Variants in VASN observed in about 807,000 individuals in gnomAD.
The protein encoded by VASN is vasorin, also known as protein slit-like 2.
A neutral mutation model predicts 4.8 loss-of-function variants in VASN; 5 were observed. The ratio of observed to expected loss-of-function variants is 1.03; its 90% CI spans 0.54 to 2.17. The LOEUF is 2.17. VASN is among the 30% of genes most tolerant of loss of function. VASN has a pLI of 0.01. For missense variants in VASN, 927 were observed against 948.8 expected, an observed-to-expected ratio of 0.98 and a Z score of 0.30; for synonymous variants, 499 against 460.8, an observed-to-expected ratio of 1.08 and a Z score of -1.06.
rs144404600 is a variant in VASN, at chr16:4,381,108, C to A, written c.231C>A (p.Gly77=). 3.1e-5 allele frequency: 50 copies of A among 1,608,834 alleles called. 2 individuals are homozygous for A. The Middle Eastern group carries it at 5.6e-3, about 180-fold the overall frequency. The change falls in exon 2 of 2, where the codon GGC becomes GGA. Residue 77 remains glycine (G), a synonymous_variant. Transcript: ENST00000304735. ...LDAGSFAGLP[G]LQLLDLSQNQ... ...CAGGCAGCTTTGCCGGCCTGCCGGG[C>A]CTGCAGCTCCTGGACCTGTCACAGA...
chr16:4,372,196 C>G (rs1277595995), intron 1 of VASN, among the ~76,000 whole-genome samples: 1 of 152,094 alleles, frequency 6.6e-6, no homozygotes, highest in South Asian at 2.1e-4. Flanking sequence ...CCGACAGCCC[C>G]GCGGCCGGCC....
In VASN at chr16:4,374,960, A is replaced by G. The variant is rs574339755; in HGVS notation, c.-10+2967A>G. Among the ~76,000 whole-genome samples the G allele has an allele frequency of 4.0e-5, 6 of 151,554 alleles. No individual in the cohort carries two copies. The East Asian group carries it at 1.2e-3, about 29-fold the overall frequency. On this transcript the variant is annotated intron_variant, in intron 1 of 1. Coordinates refer to ENST00000304735, the MANE Select transcript of VASN (RefSeq NM_138440.3). ...CCTGGGTGGGGACAGGGCAGTGAGGAGGCCCCGTGTGAGGGCCCAGCCCTG... is the reference window on the plus strand; with the variant it reads ...CCTGGGTGGGGACAGGGCAGTGAGGGGGCCCCGTGTGAGGGCCCAGCCCTG...
chr16:4,381,138 G>C lies in VASN; in HGVS notation c.261G>C (p.Gln87His), dbSNP rs776162237. ...GLQLLDLSQN[Q>H]IASLPSGVFQ... The stretch of plus-strand genomic sequence containing the variant: ...AGCTCCTGGACCTGTCACAGAACCA[G>C]ATCGCCAGCCTGCCCAGCGGGGTCT... Residue 87 changes from glutamine (Q) to histidine (H), a missense_variant, in exon 2 of 2, where the codon CAG becomes CAC. Coordinates refer to ENST00000304735, the MANE Select transcript of VASN (RefSeq NM_138440.3). The C allele has an allele frequency of 1.2e-6, 2 of 1,610,488 alleles. No individual in the cohort carries two copies. The highest frequency in any genetic ancestry group is 1.7e-6 in the Non-Finnish European group (2 of 1,179,034).
chr16:4,380,249 C>A (rs1400774154), intron 1 of VASN, among the ~76,000 whole-genome samples: 1 of 152,206 alleles, frequency 6.6e-6, no homozygotes, highest in African/African-American at 2.4e-5. Context: ...TGGCCTCTGC[C>A]CCTCCTCCAG....
Position 4,381,465 on chromosome 16 carries a change from G to C in VASN, c.588G>C (p.Ala196=), listed in dbSNP as rs565386785. 1 of 1,579,158 alleles carries C rather than the reference G, an allele frequency of 6.3e-7. No homozygotes were observed. Among genetic ancestry groups the C allele is most frequent in the Non-Finnish European group, 8.6e-7 (1 of 1,164,372 alleles). The change falls in exon 2 of 2, where the codon GCG becomes GCC. Residue 196 remains alanine, a synonymous_variant. Transcript: ENST00000304735. ...PGILDTANVE[A]LRLAGLGLQQ... ...TCCTGGACACTGCCAACGTGGAGGCGCTGCGGCTGGCTGGTCTGGGGCTGC... is the reference window on the plus strand; with the variant it reads ...TCCTGGACACTGCCAACGTGGAGGCCCTGCGGCTGGCTGGTCTGGGGCTGC...
chr16:4,382,689 C>G lies in VASN; in HGVS notation c.1812C>G (p.Ala604=), dbSNP rs748491344. 3.7e-5 allele frequency: 58 copies of G among 1,546,918 alleles called. 1 individual carries two copies. In the South Asian group the frequency reaches 6.2e-4, roughly 16 times the overall value. The part of the protein sequence containing the change: ...GAAYCVRRGR[A]MAAAAQDKGQ... ...CCTACTGTGTGCGGCGGGGGCGGGC[C>G]ATGGCAGCAGCGGCTCAGGACAAAG... The change falls in exon 2 of 2, where the codon GCC becomes GCG. Residue 604 remains alanine, a synonymous_variant. Transcript: ENST00000304735.
At position 4,383,322 on chromosome 16, in the gene VASN, G is replaced by C. The variant is rs1165413837; in HGVS notation, c.*423G>C. 5.0e-6 allele frequency: 1 copy of C among 201,146 alleles called. No individual in the cohort carries two copies. Among genetic ancestry groups the C allele is most frequent in the African/African-American group, 2.3e-5 (1 of 42,814 alleles). The allele number at this position is 201,146 out of a possible 1,614,324, so 12.5% of individuals were successfully genotyped here. A position where few individuals can be genotyped will look rare whatever the true frequency, so the allele number is the denominator to read the frequency against. On this transcript the variant is annotated 3_prime_UTR_variant, in exon 2 of 2. Coordinates refer to ENST00000304735, the MANE Select transcript of VASN (RefSeq NM_138440.3). ...TGTGTGACTCTAGTCTTGGCCCCAG[G>C]AAGCGAAGGAACAAAAGAAACTGGA...
chr16:4,374,656 C>T (rs1221596285), intron 1 of VASN, among the ~76,000 whole-genome samples: 1 of 152,140 alleles, frequency 6.6e-6, no homozygotes, highest in Non-Finnish European at 1.5e-5. Flanking sequence ...GTGGCCAGGT[C>T]CTGTTCTGCC....
chr16:4,382,875 C>A lies in VASN; in HGVS notation c.1998C>A (p.Pro666=). 6.4e-7 allele frequency: 1 copy of A among 1,552,728 alleles called. No homozygotes were observed. The highest frequency in any genetic ancestry group is 8.7e-7 in the Non-Finnish European group (1 of 1,150,698). ...MGFPGPGLQS[P]LHAKPYI ...TCCCAGGGCCTGGCCTCCAGTCACCCCTCCACGCAAAGCCCTACATCTAAG... is the reference window on the plus strand; with the variant it reads ...TCCCAGGGCCTGGCCTCCAGTCACCACTCCACGCAAAGCCCTACATCTAAG... Residue 666 remains proline (P), a synonymous_variant, in exon 2 of 2, where the codon CCC becomes CCA. Transcript: ENST00000304735.
chr16:4,378,652 G>A (rs149329796), intron 1 of VASN, among the ~76,000 whole-genome samples: 1,556 of 152,214 alleles, frequency 0.01, 17 homozygotes, highest in Middle Eastern at 0.041. Flanking sequence ...GGCCAGGGAC[G>A]CGTGCCTGGG....
chr16:4,382,383 G>C lies in VASN; in HGVS notation c.1506G>C (p.Ser502=), dbSNP rs753432185. The C allele has an allele frequency of 1.2e-6, 2 of 1,612,134 alleles. No individual in the cohort carries two copies. The highest frequency in any genetic ancestry group is 2.7e-5 in the African/African-American group (2 of 74,930). Residue 502 remains serine (S), a synonymous_variant, in exon 2 of 2, where the codon TCG becomes TCC. Coordinates refer to ENST00000304735, the MANE Select transcript of VASN (RefSeq NM_138440.3). The part of the protein sequence containing the change: ...RSLRLTYRNL[S]GPDKRLVTLR... ...TCCGTCTCACCTATCGCAACCTATC[G>C]GGCCCTGATAAGCGGCTGGTGACGC...
In VASN at chr16:4,381,398, T is replaced by C. The variant is rs1211396778; in HGVS notation, c.521T>C (p.Leu174Pro). Residue 174 changes from leucine to proline, a missense_variant, in exon 2 of 2, where the codon CTG becomes CCG. Coordinates refer to ENST00000304735, the MANE Select transcript of VASN (RefSeq NM_138440.3). ...CTGCGCCTGCCCCGCCTGCTGCTGC[T>C]GGACCTCAGCCACAACAGCCTCCTG... ...PPLRLPRLLL[L>P]DLSHNSLLAL... 8.8e-6 allele frequency: 14 copies of C among 1,587,742 alleles called. No homozygotes were observed. The highest frequency in any genetic ancestry group is 1.2e-5 in the Non-Finnish European group (14 of 1,169,406).
intron 1 of VASN, among the ~76,000 whole-genome samples, chr16:4,374,743 G>C (rs1044292733): frequency 3.9e-5 from 6 of 152,186 alleles, no homozygotes; most frequent in African/African-American, 1.4e-4. Context: ...GGTTGGCCAA[G>C]AACCCTGGGT....
chr16:4,381,333 G>A lies in VASN; in HGVS notation c.456G>A (p.Glu152=). The A allele has an allele frequency of 6.2e-7, 1 of 1,609,650 alleles. No individual in the cohort carries two copies. The highest frequency in any genetic ancestry group is 8.5e-7 in the Non-Finnish European group (1 of 1,178,652). ...TCGACACGCTCGACCGCCTCCTGGAGCTCAAGCTGCAGGACAACGAGCTGC... is the reference window on the plus strand; with the variant it reads ...TCGACACGCTCGACCGCCTCCTGGAACTCAAGCTGCAGGACAACGAGCTGC... The part of the protein sequence containing the change: ...GAFDTLDRLL[E]LKLQDNELRA... Residue 152 remains glutamate, a synonymous_variant, in exon 2 of 2, where the codon GAG becomes GAA. Transcript: ENST00000304735.
intron 1 of VASN, among the ~76,000 whole-genome samples, chr16:4,376,383 C>T (rs561600964): frequency 2.0e-5 from 3 of 152,194 alleles, no homozygotes; most frequent in Admixed American, 1.3e-4. Context: ...AGAGCCTTGG[C>T]GGGCCAGCAT....
At chr16:4,380,741 C>A in intron 1 of VASN, 128 bp from the exon 2 acceptor site, 1 of 1,098,238 alleles carries the variant, frequency 9.1e-7, no homozygotes, top group Non-Finnish European at 1.3e-6. Context: ...GGCGACCTGA[C>A]TCATAACCAT....
intron 1 of VASN, among the ~76,000 whole-genome samples, chr16:4,373,710 G>A (rs980707180): frequency 1.3e-5 from 2 of 152,156 alleles, no homozygotes; most frequent in African/African-American, 4.8e-5. Flanking sequence ...AGAAAATTAA[G>A]TCCTTGCCTG....
Position 4,371,931 on chromosome 16 carries a change from C to G in VASN, c.-72C>G, listed in dbSNP as rs151288576. 3,710 of 152,350 alleles carry G rather than the reference C, an allele frequency of 0.024. 139 individuals carry two copies. The highest frequency in any genetic ancestry group is 0.082 in the African/African-American group (3,428 of 41,560). The allele number at this position is 152,350 out of a possible 1,614,324, so 9.4% of individuals were successfully genotyped here. A position where few individuals can be genotyped will look rare whatever the true frequency, so the allele number is the denominator to read the frequency against. On this transcript the variant is annotated 5_prime_UTR_variant, in exon 1 of 2. Transcript: ENST00000304735. ...ACCCAGGACCCCCTCGGGCCCGACC[C>G]GCCAGGAAAGACTGAGGCCGCGGCC...
Position 4,382,163 on chromosome 16 carries a change from C to A in VASN, c.1286C>A (p.Ala429Glu). 1 of 1,592,856 alleles carries A rather than the reference C, an allele frequency of 6.3e-7. No individual in the cohort carries two copies. Among genetic ancestry groups the A allele is most frequent in the Non-Finnish European group, 8.5e-7 (1 of 1,170,998 alleles). ...TCHLGTRHHL[A>E]CLCPEGFTGL... Reference sequence around the variant, plus strand: ...CACCTGGGGACACGGCACCACCTGGCGTGCTTGTGCCCCGAAGGCTTCACG... The same window carrying A: ...CACCTGGGGACACGGCACCACCTGGAGTGCTTGTGCCCCGAAGGCTTCACG... The change falls in exon 2 of 2, where the codon GCG becomes GAG. Residue 429 changes from alanine (A) to glutamate (E), a missense_variant. Ala to Glu is a moderately radical substitution (Grantham distance 107, BLOSUM62 -1). Transcript: ENST00000304735.
Sources: allele counts gnomAD v4.1 joint callset (sites outside exome capture counted in the v4.1 genomes callset), GRCh38; gene constraint gnomAD v4.1.1; transcripts MANE v1.5; gene names NCBI Gene and HGNC (gene_info 2026-07-23, HGNC 2026-07-21).